Variants in CCDC91 observed in about 807,000 individuals in gnomAD.
The protein encoded by CCDC91 is coiled-coil domain containing 91.
Under a neutral mutation model 63.2 loss-of-function variants are expected in CCDC91, and 48 were observed. That is an observed-to-expected ratio of 0.76 (90% CI 0.60 to 0.97). The LOEUF (loss-of-function observed/expected upper bound fraction) is 0.97, where lower values mean the gene tolerates loss of function less well. Among genes scored for constraint, CCDC91 ranks in the 50% least tolerant of loss-of-function variants. The probability of loss-of-function intolerance (pLI) is 0.00; values close to 1 mark genes in which losing one functional copy is unlikely to be tolerated. For synonymous variants in CCDC91, 167 were observed against 165.8 expected (o/e 1.01, Z -0.06); for missense variants, 500 against 494.6 (o/e 1.01, Z -0.10).
intron 12 of CCDC91, among the ~76,000 whole-genome samples, chr12:28,499,355 T>TTTCTC (rs60024235): frequency 2.0e-5 from 3 of 150,970 alleles, no homozygotes; most frequent in Non-Finnish European, 3.0e-5. Flanking sequence ...GCACCTCACT[T>TTTCTC]TTATTATTAT....
At chr12:28,441,527 C>T (rs1280872300) in intron 8 of CCDC91, among the ~76,000 whole-genome samples, 1 of 151,676 alleles carries the variant, frequency 6.6e-6, no homozygotes, top group Admixed American at 6.6e-5. Flanking sequence ...AAGGAATTTA[C>T]TGATACATAC....
At chr12:28,259,466 T>G (rs764404406) in intron 3 of CCDC91, 24 bp downstream of exon 3, 21 of 740,174 alleles carry the variant, frequency 2.8e-5, no homozygotes, top group Middle Eastern at 7.1e-4. Context: ...GGAATTAGGG[T>G]TTTTTTTTTT....
chr12:28,512,466 TA>T (rs202136118), intron 12 of CCDC91, among the ~76,000 whole-genome samples: 1,548 of 152,038 alleles, frequency 0.01, 21 homozygotes, highest in African/African-American at 0.036. Flanking sequence ...TCTAGCACAG[TA>T]AGACGTATTG....
intron 1 of CCDC91, among the ~76,000 whole-genome samples, chr12:28,249,389 G>A (rs1322898329): frequency 3.3e-5 from 5 of 152,164 alleles, no homozygotes; most frequent in African/African-American, 1.2e-4. Context: ...ACCAAGAGTT[G>A]TATAGAAATC....
rs746786019 is a variant in CCDC91 at position 28,452,628 on chromosome 12, A to T, written c.1075A>T (p.Ile359Leu). The change falls in exon 11 of 13, where the codon ATA (isoleucine) becomes TTA (leucine). Residue 359 changes from isoleucine (I) to leucine (L), a missense_variant. Coordinates refer to ENST00000536442, the MANE Select transcript of CCDC91 (RefSeq NM_018318.5). ...EKVSQEIQKAIQEQRKISQET... is the reference protein window; with the variant it reads ...EKVSQEIQKALQEQRKISQET... ...AGTATCTCAGGAAATTCAAAAAGCT[A>T]TACAAGAACAAAGAAAAATAAGTCA... 6.4e-7 allele frequency: 1 copy of T among 1,550,702 alleles called. No individual in the cohort carries two copies. The highest frequency in any genetic ancestry group is 8.7e-7 in the Non-Finnish European group (1 of 1,150,570).
intron 8 of CCDC91, among the ~76,000 whole-genome samples, chr12:28,413,747 T>A (rs972664907): frequency 6.6e-6 from 1 of 152,214 alleles, no homozygotes; most frequent in Non-Finnish European, 1.5e-5. Context: ...AAGCATGCTT[T>A]TACCTTTATG....
At chr12:28,545,925 C>T (rs1231399168) in intron 12 of CCDC91, among the ~76,000 whole-genome samples, 2 of 152,030 alleles carry the variant, frequency 1.3e-5, no homozygotes, top group Non-Finnish European at 2.9e-5. Flanking sequence ...AAAAGTTTCT[C>T]ATTTATCTAG....
At chr12:28,458,598 T>C (rs1237944980) in intron 11 of CCDC91, among the ~76,000 whole-genome samples, 1 of 150,374 alleles carries the variant, frequency 6.7e-6, no homozygotes, top group African/African-American at 2.4e-5. Context: ...GCCTCCTGAA[T>C]AGCTGCAACT....
intron 8 of CCDC91, among the ~76,000 whole-genome samples, chr12:28,412,501 G>A (rs1399649788): frequency 6.6e-6 from 1 of 152,214 alleles, no homozygotes; most frequent in African/African-American, 2.4e-5. Context: ...TGTGTCTGGA[G>A]TTGGTTCCTG....
intron 11 of CCDC91, among the ~76,000 whole-genome samples, chr12:28,458,455 CTTTTTTTTTTTTTT>C (rs60083355): frequency 2.4e-4 from 11 of 45,806 alleles, no homozygotes; most frequent in African/African-American, 4.4e-4. Context: ...ATTTGCACAC[CTTTTTTTTTTTTTT>C]TTTTTTTTTT....
At chr12:28,333,655 G>A (rs1352042637) in intron 6 of CCDC91, among the ~76,000 whole-genome samples, 1 of 151,986 alleles carries the variant, frequency 6.6e-6, no homozygotes, top group African/African-American at 2.4e-5. Context: ...ACTCCTCAGG[G>A]AATCTCGGCT....
chr12:28,536,094 A>G (rs1035925549), intron 12 of CCDC91, among the ~76,000 whole-genome samples: 10 of 152,136 alleles, frequency 6.6e-5, no homozygotes, highest in African/African-American at 2.4e-4. Flanking sequence ...ACATTTTAGA[A>G]TGCAGATAAT....
At chr12:28,497,679 A>G (rs1364622468) in intron 12 of CCDC91, among the ~76,000 whole-genome samples, 2 of 151,582 alleles carry the variant, frequency 1.3e-5, no homozygotes, top group African/African-American at 2.4e-5. Context: ...TCTTTTCACT[A>G]TGGTTTTTTA....
At chr12:28,234,034 T>G (rs1944773568) in intron 1 of CCDC91, among the ~76,000 whole-genome samples, 1 of 152,168 alleles carries the variant, frequency 6.6e-6, no homozygotes, top group African/African-American at 2.4e-5. Context: ...AGAACTCATC[T>G]TGCAAAATGG....
intron 8 of CCDC91, among the ~76,000 whole-genome samples, chr12:28,441,373 A>G (rs1442069086): frequency 1.3e-5 from 2 of 152,030 alleles, no homozygotes; most frequent in Non-Finnish European, 2.9e-5. Context: ...ATGCAAAAGA[A>G]ATAAAAATGT....
At chr12:28,269,672 A>T (rs1947608342) in intron 3 of CCDC91, among the ~76,000 whole-genome samples, 1 of 152,102 alleles carries the variant, frequency 6.6e-6, no homozygotes, top group East Asian at 1.9e-4. Flanking sequence ...AATGTGTAGG[A>T]TTTATGTTTT....
At chr12:28,249,918 A>T (rs1312223218) in intron 1 of CCDC91, among the ~76,000 whole-genome samples, 2 of 152,260 alleles carry the variant, frequency 1.3e-5, no homozygotes, top group African/African-American at 2.4e-5. Flanking sequence ...TTTTGAGTTG[A>T]TAGAGGGATA....
intron 8 of CCDC91, among the ~76,000 whole-genome samples, chr12:28,401,273 CAT>C (rs1194623484): frequency 2.0e-5 from 3 of 152,108 alleles, no homozygotes; most frequent in African/African-American, 7.2e-5. Flanking sequence ...GGGAAACAAA[CAT>C]GTCCTTCCTC....
At position 28,528,645 on chromosome 12, in the gene CCDC91, C is replaced by T. The variant is rs527993792; in HGVS notation, c.1216-20418C>T. On this transcript the variant is annotated intron_variant, in intron 12 of 12. Coordinates refer to ENST00000536442, the MANE Select transcript of CCDC91 (RefSeq NM_018318.5). Reference sequence around the variant, plus strand: ...TGGGGGCTGCAATCTAGTCCTGCCTCCCGTCTGCCATGATCTGTTTCACCC... The same window carrying T: ...TGGGGGCTGCAATCTAGTCCTGCCTTCCGTCTGCCATGATCTGTTTCACCC... Among the ~76,000 whole-genome samples the T allele has an allele frequency of 7.9e-5, 12 of 152,260 alleles. No individual in the cohort carries two copies. In the South Asian group the frequency reaches 2.1e-3, roughly 26 times the overall value.
Sources: allele counts gnomAD v4.1 joint callset (sites outside exome capture counted in the v4.1 genomes callset), GRCh38; gene constraint gnomAD v4.1.1; transcripts MANE v1.5; gene names NCBI Gene and HGNC (gene_info 2026-07-23, HGNC 2026-07-21).